The following RSPH6A variants were observed in gnomAD, a reference collection of about 807,000 sequenced individuals.
The protein encoded by RSPH6A is radial spoke head 6 homolog A, also known as radial spoke head protein 6 homolog A.
RSPH6A carries 49 observed loss-of-function variants against 66.1 expected under a neutral mutation model. The observed-to-expected ratio is 0.74, with a 90% confidence interval of 0.59 to 0.94. The LOEUF is 0.94. RSPH6A is among the 40% of genes least tolerant of loss of function. RSPH6A has a pLI of 0.00. For synonymous variants in RSPH6A, 419 were observed against 402.4 expected, an observed-to-expected ratio of 1.04 and a Z score of -0.49; for missense variants, 977 against 948.3, an observed-to-expected ratio of 1.03 and a Z score of -0.40.
At chr19:45,802,086 G>T (rs376774717) in intron 4 of RSPH6A, 34 bp downstream of exon 4, 43 of 1,383,142 alleles carry the variant, frequency 3.1e-5, no homozygotes, top group Non-Finnish European at 4.0e-5. Flanking sequence ...GCCCTCCCCA[G>T]CCAGTGGTGT....
chr19:45,804,839 G>A lies in RSPH6A; in HGVS notation c.1066C>T (p.Leu356=). The part of the protein sequence containing the change: ...GKILGIKRSY[L]VAEVEFREGE... ...TCCCGGAATTCCACCTCGGCCACCA[G>A]GTAGCTGCGTTTGATTCCCAGGATC... The change falls in exon 3 of 6, where the codon CTG becomes TTG. Residue 356 remains leucine, a synonymous_variant. Transcript: ENST00000221538. This position sits in a 1 kb window ranked among gnomAD's most constrained non-coding sequence, Gnocchi z 5.8. The A allele has an allele frequency of 1.2e-6, 2 of 1,614,176 alleles. No homozygotes were observed. Among genetic ancestry groups the A allele is most frequent in the South Asian group, 2.2e-5 (2 of 91,082 alleles).
intron 4 of RSPH6A, among the ~76,000 whole-genome samples, chr19:45,801,056 C>G (rs951175206): frequency 1.7e-4 from 26 of 152,278 alleles, no homozygotes; most frequent in African/African-American, 3.1e-4. Context: ...CCTCAGCCCC[C>G]CAAAGTGCTG....
chr19:45,802,269 G>A lies in RSPH6A; in HGVS notation c.1654-5C>T, dbSNP rs1269244867. 1.4e-6 allele frequency: 2 copies of A among 1,379,878 alleles called. No individual in the cohort carries two copies. Among genetic ancestry groups the A allele is most frequent in the East Asian group, 2.9e-5 (1 of 34,816 alleles). The allele number at this position is 1,379,878 out of a possible 1,614,324, so 85.5% of individuals were successfully genotyped here. A position where few individuals can be genotyped will look rare whatever the true frequency, so the allele number is the denominator to read the frequency against. The stretch of plus-strand genomic sequence containing the variant: ...GTTCACCCAAGTGCAGCGGCCCTGG[G>A]GGTGGGGGGAAGCTCAGGTGATGGC... On this transcript the variant is annotated splice_region_variant and splice_polypyrimidine_tract_variant and intron_variant, in intron 3 of 5. Coordinates refer to ENST00000221538, the MANE Select transcript of RSPH6A (RefSeq NM_030785.4).
In RSPH6A at chr19:45,799,775, G is replaced by A. The variant is rs541330608; in HGVS notation, c.1916+671C>T. The stretch of plus-strand genomic sequence containing the variant: ...CCAACTGGAAGAACAGGCCGGGTGC[G>A]GTGGCTCATGCCTGTAATCCTAGCA... On this transcript the variant is annotated intron_variant, in intron 5 of 5. Coordinates refer to ENST00000221538, the MANE Select transcript of RSPH6A (RefSeq NM_030785.4). Among the ~76,000 whole-genome samples, 8 of 152,216 alleles carry A rather than the reference G, an allele frequency of 5.3e-5. No homozygotes were observed. The East Asian group carries it at 5.8e-4, about 11-fold the overall frequency.
chr19:45,796,669 C>T (rs890149193), intron 5 of RSPH6A, among the ~76,000 whole-genome samples: 4 of 151,974 alleles, frequency 2.6e-5, no homozygotes, highest in Non-Finnish European at 4.4e-5. Flanking sequence ...CACACCACCT[C>T]GCCCAGCTAA....
At position 45,804,206 on chromosome 19, in the gene RSPH6A, C is replaced by T; in HGVS notation, c.1653+46G>A. On this transcript the variant is annotated intron_variant, in intron 3 of 5. Coordinates refer to ENST00000221538, the MANE Select transcript of RSPH6A (RefSeq NM_030785.4). This position sits in a 1 kb window ranked among gnomAD's most constrained non-coding sequence, Gnocchi z 5.8. ...TCAGTATTGCAGGGTCATGCGTGAG[C>T]CCCCTGCTCCTGCCGTTTGTGAGAG... The T allele has an allele frequency of 1.3e-6, 2 of 1,490,990 alleles. No homozygotes were observed. Among genetic ancestry groups the T allele is most frequent in the Non-Finnish European group, 9.2e-7 (1 of 1,090,064 alleles). The allele number at this position is 1,490,990 out of a possible 1,614,324, so 92.4% of individuals were successfully genotyped here. A position where few individuals can be genotyped will look rare whatever the true frequency, so the allele number is the denominator to read the frequency against.
At chr19:45,814,354 T>G (rs560142989) in intron 1 of RSPH6A, among the ~76,000 whole-genome samples, 173 bp downstream of exon 1, 3 of 152,338 alleles carry the variant, frequency 2.0e-5, no homozygotes, top group African/African-American at 7.2e-5. Context: ...TGCCAGCACA[T>G]GTCTGGGAAG....
At chr19:45,809,861 T>C (rs1445208912) in intron 2 of RSPH6A, among the ~76,000 whole-genome samples, 1 of 152,208 alleles carries the variant, frequency 6.6e-6, no homozygotes, top group Non-Finnish European at 1.5e-5. Context: ...GCTAGCCGTC[T>C]GGAAGACAGA....
chr19:45,802,857 C>T (rs1348777450), intron 3 of RSPH6A, among the ~76,000 whole-genome samples: 3 of 147,598 alleles, frequency 2.0e-5, no homozygotes, highest in African/African-American at 5.0e-5. Context: ...CTGGCTCTGT[C>T]GCCCAGGCTG....
At position 45,800,774 on chromosome 19, in the gene RSPH6A, A is replaced by ACT. The variant is rs1347632127; in HGVS notation, c.1799-213_1799-212dup. 7.4e-3 allele frequency among the ~76,000 whole-genome samples: 772 copies of ACT among 105,028 alleles called. 14 individuals are homozygous for ACT. The highest frequency in any genetic ancestry group is 0.021 in the African/African-American group (554 of 25,824). The allele number at this position is 105,028 out of a possible 152,430, so 68.9% of individuals were successfully genotyped here. A position where few individuals can be genotyped will look rare whatever the true frequency, so the allele number is the denominator to read the frequency against. Reference sequence around the variant, plus strand: ...CACACACACACACACACACACACACACTCTCTCTCTCTCTCTCGCTCTCTT... The same window carrying ACT: ...CACACACACACACACACACACACACACTCTCTCTCTCTCTCTCTCGCTCTCTT... On this transcript the variant is annotated intron_variant, in intron 4 of 5. Transcript: ENST00000221538.
chr19:45,811,143 G>A (rs1191957992), intron 1 of RSPH6A, among the ~76,000 whole-genome samples: 6 of 151,286 alleles, frequency 4.0e-5, no homozygotes, highest in Admixed American at 2.6e-4. Flanking sequence ...ATAGGCGCCC[G>A]CCACCACGCC....
rs1231967384 is a variant in RSPH6A, at chr19:45,803,144, G to C, written c.1654-880C>G. Among the ~76,000 whole-genome samples, 5 of 150,186 alleles carry C rather than the reference G, an allele frequency of 3.3e-5. No individual in the cohort carries two copies. The Admixed American group carries it at 3.3e-4, about 10-fold the overall frequency. ...GAATGGCGTGAACCTAGGAGGCAGA[G>C]CTTGCAGTGAGCCGAGATCACGCCA... On this transcript the variant is annotated intron_variant, in intron 3 of 5. Coordinates refer to ENST00000221538, the MANE Select transcript of RSPH6A (RefSeq NM_030785.4).
intron 5 of RSPH6A, among the ~76,000 whole-genome samples, chr19:45,797,405 A>G (rs953460120): frequency 6.6e-6 from 1 of 151,834 alleles, no homozygotes; most frequent in African/African-American, 2.4e-5. Context: ...GAAATAAGTA[A>G]CTAAAAATAA....
At position 45,810,888 on chromosome 19, in the gene RSPH6A, C is replaced by T. The variant is rs377369741; in HGVS notation, c.651-48G>A. The stretch of plus-strand genomic sequence containing the variant: ...GAGGAGAGGGACCTCACTCACTCAG[C>T]TCACTGAGCTGGCTCCCATGTGCCT... On this transcript the variant is annotated intron_variant, in intron 1 of 5. Transcript: ENST00000221538. 2,362 of 1,510,216 alleles carry T rather than the reference C, an allele frequency of 1.6e-3. 4 individuals carry two copies. Among genetic ancestry groups the T allele is most frequent in the Non-Finnish European group, 2.0e-3 (2,177 of 1,107,156 alleles). 93.6% of individuals were successfully genotyped at this position (1,510,216 alleles called of 1,614,324 possible).
Position 45,796,088 on chromosome 19 carries a change from G to A in RSPH6A, c.1935C>T (p.Tyr645=). Residue 645 remains tyrosine (Y), a synonymous_variant, in exon 6 of 6, where the codon TAC becomes TAT. Coordinates refer to ENST00000221538, the MANE Select transcript of RSPH6A (RefSeq NM_030785.4). ...GGCTGTACTTGTGACCCCAGCCGAT[G>A]TAGATGTTCTCAAACTTTCTGGAGA... ...YASGKKFENI[Y]IGWGHKYSPE... The A allele has an allele frequency of 3.2e-6, 5 of 1,576,970 alleles. No homozygotes were observed. Among genetic ancestry groups the A allele is most frequent in the Non-Finnish European group, 4.3e-6 (5 of 1,156,426 alleles).
Position 45,804,639 on chromosome 19 carries a change from G to A in RSPH6A, c.1266C>T (p.Gly422=), listed in dbSNP as rs758032699. Residue 422 remains glycine, a synonymous_variant, in exon 3 of 6, where the codon GGC becomes GGT. Coordinates refer to ENST00000221538, the MANE Select transcript of RSPH6A (RefSeq NM_030785.4). The surrounding 1 kb of genome is among the most constrained non-coding windows in gnomAD (Gnocchi z 5.8). ...PVIPKEESRS[G]ANKYLYFVCN... ...ACACAAAGTACAGGTACTTGTTGGCGCCTGAGCGGCTCTCCTCCTTGGGGA... is the reference window on the plus strand; with the variant it reads ...ACACAAAGTACAGGTACTTGTTGGCACCTGAGCGGCTCTCCTCCTTGGGGA... 4.0e-5 allele frequency: 65 copies of A among 1,614,026 alleles called. No homozygotes were observed. The South Asian group carries it at 4.6e-4, about 11-fold the overall frequency.
At chr19:45,800,730 CCA>C (rs3045732) in intron 4 of RSPH6A, among the ~76,000 whole-genome samples, 167 bp from the exon 5 acceptor site, 37,135 of 112,640 alleles carry the variant, frequency 0.33, 6,269 homozygotes, top group East Asian at 0.41. Flanking sequence ...TCGCTGCAGA[CCA>C]CACACACACA....
chr19:45,802,625 C>T (rs1727222286), intron 3 of RSPH6A, among the ~76,000 whole-genome samples: 1 of 150,764 alleles, frequency 6.6e-6, no homozygotes, highest in Non-Finnish European at 1.5e-5. Context: ...CCTGCGTCAG[C>T]CTCCTGAGTA....
Position 45,809,655 on chromosome 19 carries a change from C to T in RSPH6A, c.888+948G>A, listed in dbSNP as rs1970596757. Among the ~76,000 whole-genome samples, 4 of 152,178 alleles carry T rather than the reference C, an allele frequency of 2.6e-5. No homozygotes were observed. In the South Asian group the frequency reaches 8.3e-4, roughly 31 times the overall value. ...GATGGGGAGAATTATGCTACCAAAA[C>T]AGCAACACCTGCCGTGCAGCTGCTG... On this transcript the variant is annotated intron_variant, in intron 2 of 5. Transcript: ENST00000221538.
Sources: allele counts gnomAD v4.1 joint callset (sites outside exome capture counted in the v4.1 genomes callset), GRCh38; gene constraint gnomAD v4.1.1; non-coding constraint Gnocchi (gnomAD v3.1); transcripts MANE v1.5; gene names NCBI Gene and HGNC (gene_info 2026-07-23, HGNC 2026-07-21).